The following LLGL2 variants were observed in gnomAD, a reference collection of about 807,000 sequenced individuals.
LLGL2 encodes the protein LLGL scribble cell polarity complex component 2.
LLGL2 carries 81 observed loss-of-function variants against 123.2 expected under a neutral mutation model. The ratio of observed to expected loss-of-function variants is 0.66; its 90% confidence interval spans 0.55 to 0.79. The LOEUF is 0.79. Ranked by LOEUF, LLGL2 falls within the 30% of genes least tolerant of loss-of-function variation. LLGL2 has a pLI of 0.00. For missense variants in LLGL2, 1,273 were observed against 1,414.6 expected, an observed-to-expected ratio of 0.90 and a Z score of 1.61; for synonymous variants, 577 against 594.1, an observed-to-expected ratio of 0.97 and a Z score of 0.42.
In LLGL2 at chr17:75,543,246, G is replaced by A. The variant is rs541198185; in HGVS notation, c.-30-151G>A. On this transcript the variant is annotated intron_variant, in intron 1 of 25. Transcript: ENST00000392550. ...CTAGATCTGAGCGTGGGGAAGCCAG[G>A]GTGCATGGGCGGTCACTGTGAAGCT... 10 of 466,962 alleles carry A rather than the reference G, an allele frequency of 2.1e-5. No individual in the cohort carries two copies. The South Asian group carries it at 3.1e-4, about 15-fold the overall frequency. 28.9% of individuals were successfully genotyped at this position (466,962 alleles called of 1,614,324 possible). A position where few individuals can be genotyped will look rare whatever the true frequency, so the allele number is the denominator to read the frequency against.
intron 10 of LLGL2, chr17:75,568,106 G>A: frequency 6.9e-6 from 8 of 1,159,346 alleles, no homozygotes; most frequent in Non-Finnish European, 8.5e-6. Context: ...GCTGCTGCCT[G>A]TGGGGAGAGG....
chr17:75,573,133 G>A lies in LLGL2; in HGVS notation c.2580G>A (p.Gly860=), dbSNP rs778195627. The A allele has an allele frequency of 1.9e-5, 30 of 1,612,932 alleles. No individual in the cohort carries two copies. Among genetic ancestry groups the A allele is most frequent in the Non-Finnish European group, 2.2e-5 (26 of 1,179,986 alleles). ...HFGSRRAEDY[G]EHHLAVLTNL... The stretch of plus-strand genomic sequence containing the variant: ...GCAGTCGTCGAGCCGAGGACTACGG[G>A]GAGCACCACCTGGCAGTCCTTACCA... Residue 860 remains glycine (G), a synonymous_variant, in exon 20 of 26, where the codon GGG becomes GGA. Transcript: ENST00000392550.
chr17:75,571,588 C>G (rs1341016731), intron 17 of LLGL2, 79 bp from the exon 18 acceptor site: 41 of 1,065,616 alleles, frequency 3.8e-5, no homozygotes, highest in Admixed American at 3.4e-4. Context: ...GAGGGAAAAC[C>G]TGGGAGTAAA....
intron 1 of LLGL2, chr17:75,538,389 A>T (rs906327412): frequency 2.0e-5 from 3 of 152,152 alleles, no homozygotes; most frequent in Non-Finnish European, 2.9e-5. Context: ...TGAAACATAG[A>T]AGCCTCTCTC....
rs2054993944 is a variant in LLGL2, at chr17:75,558,008, A to G, written c.174-147A>G. The G allele has an allele frequency of 1.3e-6, 1 of 793,730 alleles. No individual in the cohort carries two copies. The highest frequency in any genetic ancestry group is 1.7e-5 in the African/African-American group (1 of 59,356). The allele number at this position is 793,730 out of a possible 1,614,324, so 49.2% of individuals were successfully genotyped here. ...GGCTGCTGTGTCTCCTCCCCACCCT[A>G]GGCTCCATGCATGGGTCCTGCTGCC... On this transcript the variant is annotated intron_variant, in intron 3 of 25. Transcript: ENST00000392550. The surrounding 1 kb of genome is among the most constrained non-coding windows in gnomAD (Gnocchi z 4.0).
At chr17:75,560,941 C>T (rs1331907527) in intron 6 of LLGL2, among the ~76,000 whole-genome samples, 1 of 151,976 alleles carries the variant, frequency 6.6e-6, no homozygotes, top group Non-Finnish European at 1.5e-5. Flanking sequence ...AAGTGATTCT[C>T]CTGCCTCAGC....
In LLGL2 at chr17:75,559,296, C is replaced by A. The variant is rs757395770; in HGVS notation, c.416C>A (p.Ser139Tyr). 1 of 1,613,048 alleles carries A rather than the reference C, an allele frequency of 6.2e-7. No homozygotes were observed. Among genetic ancestry groups the A allele is most frequent in the Non-Finnish European group, 8.5e-7 (1 of 1,179,836 alleles). ...CAGATCACCGTGGTCCTGCCACATT[C>A]CTCCTGCGAGCTGCTCTACCTGGGC... ...ATQITVVLPH[S>Y]SCELLYLGTE... The change falls in exon 6 of 26, where the codon TCC becomes TAC. Residue 139 changes from serine to tyrosine, a missense_variant. Physicochemically the swap from Ser to Tyr is moderately radical, Grantham distance 144 (BLOSUM62 -2). Transcript: ENST00000392550. This position sits in a 1 kb window ranked among gnomAD's most constrained non-coding sequence, Gnocchi z 4.6.
At position 75,556,048 on chromosome 17, in the gene LLGL2, G is replaced by T; in HGVS notation, c.78G>T (p.Thr26=). The change falls in exon 3 of 26, where the codon ACG becomes ACT. Residue 26 remains threonine (T), a splice_region_variant and synonymous_variant. Transcript: ENST00000392550. ...LKRDLFQFNK[T]VEHGFPHQPS... Reference sequence around the variant, plus strand: ...ACCCCACGTGCTTCTCGTTGCAGACGGTGGAGCATGGCTTCCCGCACCAGC... The same window carrying T: ...ACCCCACGTGCTTCTCGTTGCAGACTGTGGAGCATGGCTTCCCGCACCAGC... The T allele has an allele frequency of 6.2e-7, 1 of 1,608,208 alleles. No homozygotes were observed.
chr17:75,532,467 A>G (rs1003371163), intron 1 of LLGL2: 3 of 152,086 alleles, frequency 2.0e-5, no homozygotes, highest in Admixed American at 1.3e-4. Flanking sequence ...TCTGTCGCCC[A>G]GGCAGCAGTG....
At chr17:75,545,782 G>C (rs1375390701) in intron 2 of LLGL2, among the ~76,000 whole-genome samples, 1 of 152,180 alleles carries the variant, frequency 6.6e-6, no homozygotes. Context: ...ACATTGCCCC[G>C]ACTAAGATAG....
intron 1 of LLGL2, among the ~76,000 whole-genome samples, chr17:75,531,453 C>T (rs753798391): frequency 6.6e-6 from 1 of 152,242 alleles, no homozygotes; most frequent in Non-Finnish European, 1.5e-5. Context: ...AATGTTCTTT[C>T]TCCTGGGCCG....
chr17:75,570,041 G>A lies in LLGL2; in HGVS notation c.1660G>A (p.Glu554Lys), dbSNP rs1247952766. 6.2e-7 allele frequency: 1 copy of A among 1,612,670 alleles called. No individual in the cohort carries two copies. Among genetic ancestry groups the A allele is most frequent in the Admixed American group, 1.7e-5 (1 of 59,988 alleles). The change falls in exon 15 of 26, where the codon GAG (glutamate) becomes AAG (lysine). Residue 554 changes from glutamate (E) to lysine (K), a missense_variant. Coordinates refer to ENST00000392550, the MANE Select transcript of LLGL2 (RefSeq NM_001031803.2). Reference protein sequence around the residue: ...QVEADLLQDQEGYRWKGHERL... With the variant: ...QVEADLLQDQKGYRWKGHERL... ...GGAGGCCGACCTGCTGCAGGACCAA[G>A]AGGGCTACCGCTGGAAGGGGCACGA...
At chr17:75,552,788 A>T (rs935592300) in intron 2 of LLGL2, among the ~76,000 whole-genome samples, 1 of 152,194 alleles carries the variant, frequency 6.6e-6, no homozygotes, top group African/African-American at 2.4e-5. Flanking sequence ...GTTTCCAAGA[A>T]CTGACTTAAT....
rs541420596 is a variant in LLGL2, at chr17:75,572,550, A to C, written c.2461-464A>C. On this transcript the variant is annotated intron_variant, in intron 19 of 25. Transcript: ENST00000392550. ...CGTGGTGGCGGGCACCTGTAGTCCC[A>C]GCTACTCAGGAGGCTGAGGCAGGAG... Among the ~76,000 whole-genome samples, 12 of 152,012 alleles carry C rather than the reference A, an allele frequency of 7.9e-5. No individual in the cohort carries two copies. In the South Asian group the frequency reaches 2.1e-3, roughly 26 times the overall value.
chr17:75,550,239 T>C (rs2054606318), intron 2 of LLGL2, among the ~76,000 whole-genome samples: 1 of 152,242 alleles, frequency 6.6e-6, no homozygotes, highest in South Asian at 2.1e-4. Context: ...GATTCAGGGT[T>C]GCTGTGTGTA....
At chr17:75,574,704 T>A (rs747971131) in intron 25 of LLGL2, 36 bp downstream of exon 25, 2 of 1,606,132 alleles carry the variant, frequency 1.2e-6, no homozygotes, top group Admixed American at 3.4e-5. Context: ...CTGCCAACCG[T>A]GCTGGGAAGG....
intron 1 of LLGL2, among the ~76,000 whole-genome samples, chr17:75,532,334 T>G (rs1287292664): frequency 6.6e-6 from 1 of 152,128 alleles, no homozygotes; most frequent in Non-Finnish European, 1.5e-5. Context: ...CACTGCAAGC[T>G]CCGCCTCCTG....
intron 10 of LLGL2, among the ~76,000 whole-genome samples, chr17:75,566,409 A>G (rs2055445395): frequency 6.6e-6 from 1 of 152,226 alleles, no homozygotes; most frequent in Non-Finnish European, 1.5e-5. Flanking sequence ...GCTGCGGTGC[A>G]GGCCATGGGA....
At chr17:75,534,217 C>T (rs181894350) in intron 1 of LLGL2, among the ~76,000 whole-genome samples, 1 of 152,366 alleles carries the variant, frequency 6.6e-6, no homozygotes, top group Non-Finnish European at 1.5e-5. Context: ...AATGGGGGTG[C>T]GTTCCCACCT....
Sources: gnomAD v4.1 joint callset for allele counts (sites outside exome capture counted in the v4.1 genomes callset) on GRCh38, gnomAD v4.1.1 for gene constraint, Gnocchi (gnomAD v3.1) non-coding constraint, MANE v1.5 for transcripts, NCBI Gene and HGNC (gene_info 2026-07-23, HGNC 2026-07-21) for gene names.